Variants in AHDC1 observed in about 807,000 individuals in gnomAD.
AHDC1 encodes transcription factor Gibbin.
A neutral mutation model predicts 87.9 loss-of-function variants in AHDC1; 7 were observed. The observed-to-expected ratio is 0.08, with a 90% CI of 0.05 to 0.15. The LOEUF (loss-of-function observed/expected upper bound fraction) is 0.15, where lower values mean the gene tolerates loss of function less well. AHDC1 is among the 10% of genes least tolerant of loss of function. The probability of loss-of-function intolerance (pLI) is 1.00; values close to 1 mark genes in which losing one functional copy is unlikely to be tolerated. For missense variants in AHDC1, 1,841 were observed against 2,253.2 expected, an observed-to-expected ratio of 0.82 and a Z score of 3.70; for synonymous variants, 1,051 against 1,006.8, an observed-to-expected ratio of 1.04 and a Z score of -0.83.
chr1:27,592,757 G>T (rs2089261711), intron 3 of AHDC1, among the ~76,000 whole-genome samples: 2 of 152,164 alleles, frequency 1.3e-5, no homozygotes, highest in Admixed American at 6.5e-5. Flanking sequence ...CTGTAGACAG[G>T]TCATCCCTCT....
At chr1:27,567,100 C>T (rs1231529033) in intron 3 of AHDC1, among the ~76,000 whole-genome samples, 1 of 152,124 alleles carries the variant, frequency 6.6e-6, no homozygotes, top group Non-Finnish European at 1.5e-5. Context: ...TGTGGGCATC[C>T]CAGCTTCCTG....
intron 8 of AHDC1, among the ~76,000 whole-genome samples, chr1:27,544,559 T>C (rs958934086): frequency 1.3e-5 from 2 of 152,216 alleles, no homozygotes; most frequent in African/African-American, 4.8e-5. Context: ...CTGCTATTGG[T>C]GAATGAGCGT....
At chr1:27,574,573 T>C (rs988274827) in intron 3 of AHDC1, among the ~76,000 whole-genome samples, 5 of 152,144 alleles carry the variant, frequency 3.3e-5, no homozygotes, top group African/African-American at 9.7e-5. Flanking sequence ...AGCGTGCCTA[T>C]CCCGACTGCT....
chr1:27,542,043 G>A (rs1252676149), intron 8 of AHDC1, among the ~76,000 whole-genome samples: 1 of 152,216 alleles, frequency 6.6e-6, no homozygotes, highest in Non-Finnish European at 1.5e-5. Context: ...CCCCAAGCAG[G>A]TCACTAGCTC....
chr1:27,550,450 G>A lies in AHDC1; in HGVS notation c.1666C>T (p.Leu556=). Residue 556 remains leucine (L), a synonymous_variant, in exon 8 of 9, where the codon CTG becomes TTG. Transcript: ENST00000673934. The part of the protein sequence containing the change: ...KRGRPPKNLL[L]GPGKPKEPAV... ...GGCTCCTTGGGCTTGCCGGGACCCAGCAGCAGGTTCTTAGGAGGGCGGCCG... is the reference window on the plus strand; with the variant it reads ...GGCTCCTTGGGCTTGCCGGGACCCAACAGCAGGTTCTTAGGAGGGCGGCCG... 6.2e-7 allele frequency: 1 copy of A among 1,608,180 alleles called. No homozygotes were observed. Among genetic ancestry groups the A allele is most frequent in the Non-Finnish European group, 8.5e-7 (1 of 1,175,756 alleles).
intron 8 of AHDC1, among the ~76,000 whole-genome samples, chr1:27,535,954 G>A (rs571152897): frequency 6.6e-6 from 1 of 152,190 alleles, no homozygotes; most frequent in East Asian, 1.9e-4. Flanking sequence ...GTCATTATTA[G>A]CCTGGTCCTT....
chr1:27,547,930 T>C lies in AHDC1; in HGVS notation c.4186A>G (p.Lys1396Glu), dbSNP rs1187123619. Reference protein sequence around the residue: ...PPTVFDAGLQKAYSPTCSPTL... With the variant: ...PPTVFDAGLQEAYSPTCSPTL... ...GGCGAGCAGGTGGGCGAGTATGCCT[T>C]CTGCAGGCCGGCGTCAAACACCGTG... is the stretch of plus-strand genomic sequence containing the variant. The change falls in exon 8 of 9, where the codon AAG (lysine) becomes GAG (glutamate). Residue 1396 changes from lysine (K) to glutamate (E), a missense_variant. Lys to Glu is a moderately conservative substitution (Grantham distance 56). Coordinates refer to ENST00000673934, the MANE Select transcript of AHDC1 (RefSeq NM_001371928.1). The surrounding 1 kb of genome is among the most constrained non-coding windows in gnomAD (Gnocchi z 4.9). 1.9e-6 allele frequency: 3 copies of C among 1,581,458 alleles called. No homozygotes were observed. The Admixed American group carries it at 5.1e-5, about 27-fold the overall frequency.
intron 3 of AHDC1, among the ~76,000 whole-genome samples, chr1:27,567,548 C>T (rs2020378105): frequency 6.6e-6 from 1 of 152,150 alleles, no homozygotes; most frequent in South Asian, 2.1e-4. Context: ...CCCAGCATTC[C>T]ACCAGGCCAG....
rs2020212474 is a variant in AHDC1, at chr1:27,563,990, G to C, written c.-628-5107C>G. 6.6e-6 allele frequency among the ~76,000 whole-genome samples: 1 copy of C among 152,204 alleles called. No homozygotes were observed. The highest frequency in any genetic ancestry group is 2.4e-5 in the African/African-American group (1 of 41,440). ...AGATCAGTGGGGAGTAGGGCGGTTA[G>C]GGGTTGCTATCACCATGTGCTCAGT... is the stretch of plus-strand genomic sequence containing the variant. On this transcript the variant is annotated intron_variant, in intron 3 of 8. Coordinates refer to ENST00000673934, the MANE Select transcript of AHDC1 (RefSeq NM_001371928.1). This position sits in a 1 kb window ranked among gnomAD's most constrained non-coding sequence, Gnocchi z 6.1.
intron 8 of AHDC1, among the ~76,000 whole-genome samples, chr1:27,546,153 G>A (rs191735210): frequency 7.9e-5 from 12 of 152,334 alleles, no homozygotes; most frequent in East Asian, 7.7e-4. Context: ...GGTGAGGGAC[G>A]CAGGCATGCC....
chr1:27,536,786 A>G (rs1361473026), intron 8 of AHDC1, among the ~76,000 whole-genome samples: 6 of 152,048 alleles, frequency 3.9e-5, no homozygotes, highest in Admixed American at 3.9e-4. Context: ...GATATTGTCC[A>G]ACGCCAGCCT....
chr1:27,574,498 A>C (rs2088646622), intron 3 of AHDC1, among the ~76,000 whole-genome samples: 1 of 152,092 alleles, frequency 6.6e-6, no homozygotes, highest in African/African-American at 2.4e-5. Context: ...GGAAAGGGAA[A>C]CTCAGGAGTA....
rs1365252228 is a variant in AHDC1 at position 27,551,010 on chromosome 1, G to A, written c.1106C>T (p.Ser369Leu). ...LAEPLRLDLCSPHGPPGPEGH... is the reference protein window; with the variant it reads ...LAEPLRLDLCLPHGPPGPEGH... ...CTCAGGCCCGGGGGGGCCGTGCGGT[G>A]AGCACAAGTCCAGGCGCAAGGGCTC... Residue 369 changes from serine (S) to leucine (L), a missense_variant, in exon 8 of 9, where the codon TCA becomes TTA. By Grantham distance (145) the Ser-to-Leu change is moderately radical (BLOSUM62 -2). Transcript: ENST00000673934. The A allele has an allele frequency of 6.4e-7, 1 of 1,570,902 alleles. No individual in the cohort carries two copies. The highest frequency in any genetic ancestry group is 1.2e-5 in the South Asian group (1 of 86,654).
intron 3 of AHDC1, among the ~76,000 whole-genome samples, chr1:27,602,993 C>CCG (rs2089577341): frequency 7.1e-6 from 1 of 141,712 alleles, no homozygotes; most frequent in Admixed American, 6.9e-5. Flanking sequence ...CATTCCCCCC[C>CCG]CCCCCACATT....
intron 3 of AHDC1, among the ~76,000 whole-genome samples, chr1:27,572,844 T>A (rs1198713609): frequency 2.0e-5 from 3 of 152,234 alleles, no homozygotes; most frequent in African/African-American, 7.2e-5. Flanking sequence ...GCGATCGCTC[T>A]TCTGGAGACA....
In AHDC1 at chr1:27,552,015, G is replaced by A. The variant is rs1179505060; in HGVS notation, c.101C>T (p.Thr34Ile). The A allele has an allele frequency of 1.4e-6, 2 of 1,470,160 alleles. No homozygotes were observed. Among genetic ancestry groups the A allele is most frequent in the African/African-American group, 1.4e-5 (1 of 69,576 alleles). 91.1% of individuals were successfully genotyped at this position (1,470,160 alleles called of 1,614,324 possible). A position where few individuals can be genotyped will look rare whatever the true frequency, so the allele number is the denominator to read the frequency against. The change falls in exon 8 of 9, where the codon ACC (threonine) becomes ATC (isoleucine). Residue 34 changes from threonine (T) to isoleucine (I), a missense_variant. Thr to Ile is a moderately conservative substitution (Grantham distance 89). Coordinates refer to ENST00000673934, the MANE Select transcript of AHDC1 (RefSeq NM_001371928.1). ...CCGGGTGGGAAGCAGGGGCCGGGGG[G>A]TGGGGGGGCCGCCGGGGTAGTACTT... ...EPKYYPGGPPTPRPLLPTRPP... is the reference protein window; with the variant it reads ...EPKYYPGGPPIPRPLLPTRPP...
At chr1:27,553,710 C>T (rs2019679166) in intron 5 of AHDC1, among the ~76,000 whole-genome samples, 1 of 152,152 alleles carries the variant, frequency 6.6e-6, no homozygotes, top group East Asian at 1.9e-4. Context: ...CTGTCCTATT[C>T]ACCACTATAT....
At position 27,547,883 on chromosome 1, in the gene AHDC1, C is replaced by T. The variant is rs1571226655; in HGVS notation, c.4233G>A (p.Glu1411=). 1 of 1,554,368 alleles carries T rather than the reference C, an allele frequency of 6.4e-7. No individual in the cohort carries two copies. The highest frequency in any genetic ancestry group is 8.7e-7 in the Non-Finnish European group (1 of 1,147,086). Residue 1411 remains glutamate, a synonymous_variant, in exon 8 of 9, where the codon GAG becomes GAA. Coordinates refer to ENST00000673934, the MANE Select transcript of AHDC1 (RefSeq NM_001371928.1). This position sits in a 1 kb window ranked among gnomAD's most constrained non-coding sequence, Gnocchi z 4.9. ...TCSPTLGFKE[E]LRPPPTKLAA... is the part of the protein sequence containing the mutation. ...CCAGCTTTGTGGGCGGTGGCCGCAG[C>T]TCTTCCTTGAAGCCCAGTGTAGGCG...
chr1:27,550,579 C>G lies in AHDC1; in HGVS notation c.1537G>C (p.Val513Leu). ...SVEGKELGLR[V>L]SAEPTPLLKM... ...AGCAGCGGGGTGGGCTCAGCCGACA[C>G]GCGCAGGCCCAGCTCCTTGCCCTCC... Residue 513 changes from valine (V) to leucine (L), a missense_variant, in exon 8 of 9, where the codon GTG becomes CTG. Coordinates refer to ENST00000673934, the MANE Select transcript of AHDC1 (RefSeq NM_001371928.1). 1 of 1,613,736 alleles carries G rather than the reference C, an allele frequency of 6.2e-7. No individual in the cohort carries two copies. The highest frequency in any genetic ancestry group is 8.5e-7 in the Non-Finnish European group (1 of 1,179,976).
Sources: allele counts gnomAD v4.1 joint callset (sites outside exome capture counted in the v4.1 genomes callset), GRCh38; gene constraint gnomAD v4.1.1; non-coding constraint Gnocchi (gnomAD v3.1); transcripts MANE v1.5; gene names NCBI Gene and HGNC (gene_info 2026-07-23, HGNC 2026-07-21).